The following GSTP1 variants were observed in gnomAD, a reference collection of about 807,000 sequenced individuals.
The protein encoded by GSTP1 is glutathione S-transferase pi 1.
In GSTP1, 28 loss-of-function variants were observed where a neutral mutation model predicts 29.4. That is an observed-to-expected ratio of 0.95 (90% CI 0.71 to 1.30). The LOEUF (loss-of-function observed/expected upper bound fraction) is 1.30, where lower values mean the gene tolerates loss of function less well. Among genes scored for constraint, GSTP1 ranks in the 50% most tolerant of loss-of-function variants. The pLI is 0.00. For missense variants in GSTP1, 267 were observed against 266.1 expected (o/e 1.00, Z -0.02); for synonymous variants, 122 against 117.0 (o/e 1.04, Z -0.28).
intron 1 of GSTP1, 77 bp from the exon 2 acceptor site, chr11:67,584,057 G>A: frequency 9.1e-7 from 1 of 1,099,178 alleles, no homozygotes; most frequent in Non-Finnish European, 1.3e-6. Flanking sequence ...CGGGGGCGGG[G>A]AGGGGGGGCA....
At chr11:67,586,296 C>T in intron 6 of GSTP1, 85 bp downstream of exon 6, 1 of 1,529,018 alleles carries the variant, frequency 6.5e-7, no homozygotes, top group Non-Finnish European at 9.0e-7. Context: ...TTTAGCAAAG[C>T]AGAGCAGACC....
In GSTP1 at chr11:67,585,174, T is replaced by C. The variant is rs776268350; in HGVS notation, c.269T>C (p.Val90Ala). ...AAGGACCAGCAGGAGGCAGCCCTGG[T>C]GGACATGGTGAATGACGGCGTGGAG... ...YGKDQQEAAL[V>A]DMVNDGVEDL... The change falls in exon 5 of 7, where the codon GTG becomes GCG. Residue 90 changes from valine to alanine, a missense_variant. Physicochemically the swap from Val to Ala is moderately conservative, Grantham distance 64 (BLOSUM62 0). Transcript: ENST00000398606. The C allele has an allele frequency of 7.4e-6, 12 of 1,613,674 alleles. No individual in the cohort carries two copies. Among genetic ancestry groups the C allele is most frequent in the African/African-American group, 1.3e-5 (1 of 74,872 alleles).
Position 67,586,484 on chromosome 11 carries a change from T to C in GSTP1, c.540T>C (p.Tyr180=). ...CLDAFPLLSA[Y]VGRLSARPKL... ...ATGCGTTCCCCCTGCTCTCAGCATA[T>C]GTGGGGCGCCTCAGTGCCCGGCCCA... is the stretch of plus-strand genomic sequence containing the variant. Residue 180 remains tyrosine, a synonymous_variant, in exon 7 of 7, where the codon TAT becomes TAC. Transcript: ENST00000398606. 6.2e-7 allele frequency: 1 copy of C among 1,614,160 alleles called. No homozygotes were observed. The highest frequency in any genetic ancestry group is 8.5e-7 in the Non-Finnish European group (1 of 1,179,994).
At chr11:67,586,270 A>G (rs1867465705) in intron 6 of GSTP1, 59 bp downstream of exon 6, 4 of 1,524,178 alleles carry the variant, frequency 2.6e-6, no homozygotes, top group Non-Finnish European at 2.7e-6. Flanking sequence ...AGATGGACAC[A>G]GGTGTGAGCC....
Position 67,586,109 on chromosome 11 carries a change from G to A in GSTP1, c.342G>A (p.Ala114=), listed in dbSNP as rs537387344. 13 of 1,612,296 alleles carry A rather than the reference G, an allele frequency of 8.1e-6. No homozygotes were observed. The highest frequency in any genetic ancestry group is 4.0e-5 in the African/African-American group (3 of 74,924). ...YISLIYTNYE[A]GKDDYVKALP... ...TACATGGTGGTGTCTGGCAGGAGGC[G>A]GGCAAGGATGACTATGTGAAGGCAC... Residue 114 remains alanine (A), a synonymous_variant, in exon 6 of 7, where the codon GCG becomes GCA. Coordinates refer to ENST00000398606, the MANE Select transcript of GSTP1 (RefSeq NM_000852.4).
intron 2 of GSTP1, 76 bp from the exon 3 acceptor site, chr11:67,584,388 C>T (rs1867429345): frequency 2.5e-6 from 2 of 814,454 alleles, no homozygotes; most frequent in Non-Finnish European, 3.9e-6. Flanking sequence ...CCTCCCTGCA[C>T]TCCTGACCCC....
rs775938449 is a variant in GSTP1 at position 67,584,790 on chromosome 11, A to G, written c.232+18A>G. 14 of 1,564,534 alleles carry G rather than the reference A, an allele frequency of 8.9e-6. No homozygotes were observed. Among genetic ancestry groups the G allele is most frequent in the African/African-American group, 2.7e-5 (2 of 73,918 alleles). On this transcript the variant is annotated intron_variant, in intron 4 of 6. Transcript: ENST00000398606. The stretch of plus-strand genomic sequence containing the variant: ...CACCCTTGGTGAGTCTTGAACCTCC[A>G]AGTCCAGGGCAGGCATGGGCAAGCC...
intron 1 of GSTP1, 50 bp from the exon 2 acceptor site, chr11:67,584,084 C>T (rs1486296228): frequency 6.6e-7 from 1 of 1,512,010 alleles, no homozygotes; most frequent in Non-Finnish European, 9.2e-7. Context: ...GCTCACCGCG[C>T]CTTGGCATCC....
Position 67,584,537 on chromosome 11 carries a change from G to T in GSTP1, c.111G>T (p.Glu37Asp). ...GGAAGGAGGAGGTGGTGACCGTGGA[G>T]ACGTGGCAGGAGGGCTCACTCAAAG... ...QSWKEEVVTV[E>D]TWQEGSLKAS... The change falls in exon 3 of 7, where the codon GAG becomes GAT. Residue 37 changes from glutamate (E) to aspartate (D), a missense_variant. By Grantham distance (45) the Glu-to-Asp change is conservative. Coordinates refer to ENST00000398606, the MANE Select transcript of GSTP1 (RefSeq NM_000852.4). The T allele has an allele frequency of 6.3e-7, 1 of 1,597,344 alleles. No homozygotes were observed. Among genetic ancestry groups the T allele is most frequent in the East Asian group, 2.3e-5 (1 of 43,824 alleles).
intron 5 of GSTP1, 36 bp from the exon 6 acceptor site, chr11:67,586,068 G>T (rs1194648427): frequency 6.7e-7 from 1 of 1,499,010 alleles, no homozygotes; most frequent in South Asian, 1.1e-5. Flanking sequence ...GGCTGGGAGG[G>T]ATGAGAGTAG....
At position 67,584,767 on chromosome 11, in the gene GSTP1, C is replaced by G. The variant is rs781605862; in HGVS notation, c.227C>G (p.Thr76Ser). 1 of 1,606,310 alleles carries G rather than the reference C, an allele frequency of 6.2e-7. No homozygotes were observed. The highest frequency in any genetic ancestry group is 1.1e-5 in the South Asian group (1 of 90,952). The change falls in exon 4 of 7, where the codon ACC becomes AGC. Residue 76 changes from threonine (T) to serine (S), a missense_variant. Physicochemically the swap from Thr to Ser is moderately conservative, Grantham distance 58. Coordinates refer to ENST00000398606, the MANE Select transcript of GSTP1 (RefSeq NM_000852.4). The stretch of plus-strand genomic sequence containing the variant: ...ACCATCCTGCGTCACCTGGGCCGCA[C>G]CCTTGGTGAGTCTTGAACCTCCAAG... The part of the protein sequence containing the change: ...SNTILRHLGR[T>S]LGLYGKDQQE...
At chr11:67,584,808 G>A (rs367634970) in intron 4 of GSTP1, 36 bp downstream of exon 4, 3 of 1,452,358 alleles carry the variant, frequency 2.1e-6, no homozygotes, top group African/African-American at 1.4e-5. Flanking sequence ...GGCAGGCATG[G>A]GCAAGCCTCT....
At chr11:67,584,069 A>AAGG in intron 1 of GSTP1, 65 bp from the exon 2 acceptor site, 2 of 1,375,298 alleles carry the variant, frequency 1.5e-6, no homozygotes, top group Non-Finnish European at 1.0e-6. Context: ...GGGGGGGCAG[A>AAGG]CTGCGCTCAC....
chr11:67,584,587 G>T lies in GSTP1; in HGVS notation c.144+17G>T, dbSNP rs766799129. 6.3e-7 allele frequency: 1 copy of T among 1,584,620 alleles called. No homozygotes were observed. Among genetic ancestry groups the T allele is most frequent in the African/African-American group, 1.3e-5 (1 of 74,334 alleles). On this transcript the variant is annotated intron_variant, in intron 3 of 6. Transcript: ENST00000398606. ...GCCTCCTGCGTAAGTGACCATGCCC[G>T]GGCAAGGGGAGGGGGTGCTGGGCCT... is the stretch of plus-strand genomic sequence containing the variant.
At chr11:67,586,325 C>T in intron 6 of GSTP1, 64 bp from the exon 7 acceptor site, 1 of 1,551,286 alleles carries the variant, frequency 6.4e-7, no homozygotes. Context: ...GGGCTTAGGC[C>T]CTCTGCCCCC....
At position 67,585,257 on chromosome 11, in the gene GSTP1, A is replaced by G. The variant is rs1867449159; in HGVS notation, c.336+16A>G. The G allele has an allele frequency of 1.3e-6, 2 of 1,523,578 alleles. No homozygotes were observed. The highest frequency in any genetic ancestry group is 2.2e-5 in the East Asian group (1 of 44,532). The allele number at this position is 1,523,578 out of a possible 1,614,324, so 94.4% of individuals were successfully genotyped here. On this transcript the variant is annotated intron_variant, in intron 5 of 6. Transcript: ENST00000398606. ...CACCAACTATGTGAGCATCTGCACCAGGGTTGGGCACTGGGGGCTGAACAA... is the reference window on the plus strand; with the variant it reads ...CACCAACTATGTGAGCATCTGCACCGGGGTTGGGCACTGGGGGCTGAACAA...
intron 4 of GSTP1, 50 bp from the exon 5 acceptor site, chr11:67,585,088 G>T (rs1362202323): frequency 5.7e-6 from 7 of 1,221,282 alleles, no homozygotes; most frequent in Non-Finnish European, 8.4e-6. Flanking sequence ...GTGACTGTGT[G>T]TTGATCAGGC....
Position 67,584,678 on chromosome 11 carries a change from C to G in GSTP1, c.145-7C>G. 1 of 1,612,460 alleles carries G rather than the reference C, an allele frequency of 6.2e-7. No individual in the cohort carries two copies. Among genetic ancestry groups the G allele is most frequent in the South Asian group, 1.1e-5 (1 of 91,050 alleles). On this transcript the variant is annotated splice_polypyrimidine_tract_variant and splice_region_variant and intron_variant, in intron 3 of 6. Coordinates refer to ENST00000398606, the MANE Select transcript of GSTP1 (RefSeq NM_000852.4). ...TGCCCCTCCCTGAGCCATGCCTCCC[C>G]CAACAGCTATACGGGCAGCTCCCCA...
intron 1 of GSTP1, 131 bp downstream of exon 1, chr11:67,583,975 G>A (rs1276614411): frequency 7.3e-6 from 5 of 684,438 alleles, no homozygotes; most frequent in Non-Finnish European, 1.3e-5. Context: ...GGGGCCTAGG[G>A]GACCCAGGAC....
Sources: allele counts gnomAD v4.1 joint callset, GRCh38; gene constraint gnomAD v4.1.1; transcripts MANE v1.5; gene names NCBI Gene and HGNC (gene_info 2026-07-23, HGNC 2026-07-21).